C5orf22: variants seen among roughly 807,000 people sequenced by gnomAD.
The protein encoded by C5orf22 is UPF0489 protein C5orf22.
A neutral mutation model predicts 48.7 loss-of-function variants in C5orf22; 36 were observed. The observed-to-expected ratio is 0.74, with a 90% CI of 0.57 to 0.98. The LOEUF is 0.98. C5orf22 is among the 50% of genes least tolerant of loss of function. The probability of loss-of-function intolerance (pLI) is 0.00; values close to 1 mark genes in which losing one functional copy is unlikely to be tolerated. For missense variants in C5orf22, 486 were observed against 521.9 expected, an observed-to-expected ratio of 0.93 and a Z score of 0.67; for synonymous variants, 141 against 180.8, an observed-to-expected ratio of 0.78 and a Z score of 1.76.
chr5:31,534,981 A>G (rs527643219), intron 2 of C5orf22: 9 of 455,052 alleles, frequency 2.0e-5, no homozygotes, highest in South Asian at 1.1e-4. Context: ...TCTCACGTCT[A>G]TTTCTGCATT....
chr5:31,534,542 T>A, intron 2 of C5orf22, 125 bp downstream of exon 2: 1 of 852,856 alleles, frequency 1.2e-6, no homozygotes, highest in Non-Finnish European at 1.8e-6. Context: ...TGTCTTTTTG[T>A]CTTTTTCATT....
chr5:31,551,472 G>A (rs1743263195), intron 8 of C5orf22, 40 bp downstream of exon 8: 1 of 1,486,456 alleles, frequency 6.7e-7, no homozygotes, highest in African/African-American at 1.4e-5. Flanking sequence ...TCAGAGATGT[G>A]CACATCCTAA....
At chr5:31,534,636 C>T in intron 2 of C5orf22, 1 of 513,496 alleles carries the variant, frequency 1.9e-6, no homozygotes, top group Non-Finnish European at 3.4e-6. Flanking sequence ...GTCTCTGTTG[C>T]AACTATTAAT....
intron 7 of C5orf22, among the ~76,000 whole-genome samples, chr5:31,546,956 T>G: frequency 6.6e-6 from 1 of 152,228 alleles, no homozygotes; most frequent in East Asian, 1.9e-4. Context: ...AAGTCTTAAC[T>G]TATTTCAGCA....
intron 7 of C5orf22, among the ~76,000 whole-genome samples, chr5:31,547,700 G>C (rs1580457240): frequency 6.6e-6 from 1 of 152,192 alleles, no homozygotes; most frequent in South Asian, 2.1e-4. Flanking sequence ...AGCCATGGCT[G>C]GAATGGCTGA....
Position 31,551,448 on chromosome 5 carries a change from A to C in C5orf22, c.1199+16A>C, listed in dbSNP as rs766947450. Reference sequence around the variant, plus strand: ...CAATTGCAAGGTAAGTGTGTTCAGCAGAATAATGGCAAATCAGAGATGTGC... The same window carrying C: ...CAATTGCAAGGTAAGTGTGTTCAGCCGAATAATGGCAAATCAGAGATGTGC... On this transcript the variant is annotated intron_variant, in intron 8 of 8. Transcript: ENST00000325366. 8 of 1,595,728 alleles carry C rather than the reference A, an allele frequency of 5.0e-6. No homozygotes were observed. The highest frequency in any genetic ancestry group is 1.7e-5 in the Admixed American group (1 of 57,380).
Position 31,551,317 on chromosome 5 carries a change from G to A in C5orf22, c.1084G>A (p.Asp362Asn), listed in dbSNP as rs768733012. 23 of 1,613,204 alleles carry A rather than the reference G, an allele frequency of 1.4e-5. No homozygotes were observed. Among genetic ancestry groups the A allele is most frequent in the Non-Finnish European group, 1.9e-5 (22 of 1,179,652 alleles). ...EMVHQAGLTCDYSELPHHIST... is the reference protein window; with the variant it reads ...EMVHQAGLTCNYSELPHHIST... ...GGTTCACCAGGCTGGTTTAACCTGC[G>A]ATTATTCAGAACTTCCTCACCATAT... Residue 362 changes from aspartate to asparagine, a missense_variant, in exon 8 of 9, where the codon GAT becomes AAT. By Grantham distance (23) the Asp-to-Asn change is conservative (BLOSUM62 1). Coordinates refer to ENST00000325366, the MANE Select transcript of C5orf22 (RefSeq NM_018356.3).
At chr5:31,532,607 G>T in intron 1 of C5orf22, 134 bp downstream of exon 1, 1 of 714,602 alleles carries the variant, frequency 1.4e-6, no homozygotes, top group Non-Finnish European at 2.3e-6. Context: ...TTCCGTTGCT[G>T]TGGAGAGGAC....
rs1741941091 is a variant in C5orf22 at position 31,534,273 on chromosome 5, T to G, written c.83T>G (p.Val28Gly). ...PVWVVEDHQE[V>G]LPFIYRAIGS... Reference sequence around the variant, plus strand: ...ATTGTGTGCCTGTGTCTTTTACAGGTTCTACCCTTTATATACCGGGCCATA... The same window carrying G: ...ATTGTGTGCCTGTGTCTTTTACAGGGTCTACCCTTTATATACCGGGCCATA... The change falls in exon 2 of 9, where the codon GTT becomes GGT. Residue 28 changes from valine (V) to glycine (G), a missense_variant and splice_region_variant. Coordinates refer to ENST00000325366, the MANE Select transcript of C5orf22 (RefSeq NM_018356.3). 4 of 1,611,374 alleles carry G rather than the reference T, an allele frequency of 2.5e-6. No individual in the cohort carries two copies. Among genetic ancestry groups the G allele is most frequent in the Non-Finnish European group, 2.5e-6 (3 of 1,179,048 alleles).
chr5:31,544,179 T>TC (rs1298041667), intron 6 of C5orf22, among the ~76,000 whole-genome samples: 10 of 152,186 alleles, frequency 6.6e-5, no homozygotes, highest in Admixed American at 6.5e-5. Flanking sequence ...CTTTTTTCTT[T>TC]CTTTTTTTAC....
rs1742236079 is a variant in C5orf22, at chr5:31,538,345, G to A, written c.463G>A (p.Asp155Asn). 1.2e-6 allele frequency: 2 copies of A among 1,613,920 alleles called. No individual in the cohort carries two copies. Among genetic ancestry groups the A allele is most frequent in the Non-Finnish European group, 1.7e-6 (2 of 1,179,798 alleles). Reference sequence around the variant, plus strand: ...AGAGAACCAAAAACCTTTACAATTGGATGTAATTATGGTAAAACCTTATAA... The same window carrying A: ...AGAGAACCAAAAACCTTTACAATTGAATGTAATTATGGTAAAACCTTATAA... ...QLENQKPLQL[D>N]VIMVKPYKLC... is the part of the protein sequence containing the mutation. Residue 155 changes from aspartate (D) to asparagine (N), a missense_variant, in exon 4 of 9, where the codon GAT becomes AAT. This residue lies in a region of C5orf22 where 408 missense variants were observed against 444.0 expected (regional missense o/e 0.92). Transcript: ENST00000325366.
Position 31,532,316 on chromosome 5 carries a change from G to T in C5orf22, c.-77G>T. The T allele has an allele frequency of 6.8e-7, 1 of 1,464,518 alleles. No homozygotes were observed. Among genetic ancestry groups the T allele is most frequent in the South Asian group, 1.1e-5 (1 of 87,786 alleles). 90.7% of individuals were successfully genotyped at this position (1,464,518 alleles called of 1,614,324 possible). A position where few individuals can be genotyped will look rare whatever the true frequency, so the allele number is the denominator to read the frequency against. On this transcript the variant is annotated 5_prime_UTR_variant, in exon 1 of 9. Coordinates refer to ENST00000325366, the MANE Select transcript of C5orf22 (RefSeq NM_018356.3). The stretch of plus-strand genomic sequence containing the variant: ...GAGCGCTTCCGCCCGGAGAGAGCTG[G>T]CCGGGATGAGGCGCCGGCTTTCCCG...
chr5:31,552,416 A>G (rs1443073081), intron 8 of C5orf22, among the ~76,000 whole-genome samples: 1 of 152,194 alleles, frequency 6.6e-6, no homozygotes, highest in Non-Finnish European at 1.5e-5. Context: ...TTCCATCGCT[A>G]AGATAATAAG....
chr5:31,550,652 G>T (rs1020070451), intron 7 of C5orf22, among the ~76,000 whole-genome samples: 9 of 151,944 alleles, frequency 5.9e-5, no homozygotes, highest in Non-Finnish European at 1.2e-4. Context: ...TGTAACCTCT[G>T]CCTCCCGTGT....
intron 6 of C5orf22, among the ~76,000 whole-genome samples, chr5:31,543,576 A>G (rs1056105757): frequency 2.6e-5 from 4 of 152,130 alleles, no homozygotes; most frequent in African/African-American, 9.7e-5. Flanking sequence ...TCTCAAAAAA[A>G]GAAAGAAAAA....
intron 7 of C5orf22, 58 bp downstream of exon 7, chr5:31,545,770 A>T (rs1348387985): frequency 1.8e-6 from 2 of 1,135,074 alleles, no homozygotes; most frequent in South Asian, 2.8e-5. Context: ...TTTTCTGGGT[A>T]GAAGAATTTC....
rs1743055685 is a variant in C5orf22, at chr5:31,548,741, G to C, written c.1060-2552G>C. 3 of 315,294 alleles carry C rather than the reference G, an allele frequency of 9.5e-6. No individual in the cohort carries two copies. In the Admixed American group the frequency reaches 1.1e-4, roughly 12 times the overall value. 19.5% of individuals were successfully genotyped at this position (315,294 alleles called of 1,614,324 possible). A position where few individuals can be genotyped will look rare whatever the true frequency, so the allele number is the denominator to read the frequency against. On this transcript the variant is annotated intron_variant, in intron 7 of 8. Coordinates refer to ENST00000325366, the MANE Select transcript of C5orf22 (RefSeq NM_018356.3). ...TGGTACCAATTTACTGTATTAGTCT[G>C]TTTTCACGCTGCTGATAAAGACATA...
Position 31,534,296 on chromosome 5 carries a change from A to T in C5orf22, c.106A>T (p.Ile36Leu), listed in dbSNP as rs1436744376. The T allele has an allele frequency of 6.2e-7, 1 of 1,613,852 alleles. No individual in the cohort carries two copies. The highest frequency in any genetic ancestry group is 2.2e-5 in the East Asian group (1 of 44,890). ...GGTTCTACCCTTTATATACCGGGCC[A>T]TAGGCTCAAAGCATCTTCCTGCCAG... ...QEVLPFIYRA[I>L]GSKHLPASNV... is the part of the protein sequence containing the mutation. Residue 36 changes from isoleucine to leucine, a missense_variant, in exon 2 of 9, where the codon ATA (isoleucine) becomes TTA (leucine). Ile to Leu is a conservative substitution (Grantham distance 5). Transcript: ENST00000325366.
In C5orf22 at chr5:31,535,784, G is replaced by C; in HGVS notation, c.268G>C (p.Ala90Pro). ...AAATTGGATTATGCCTGCAGTTTATGCTGGCCATTTTTCACATGTAATATG... is the reference window on the plus strand; with the variant it reads ...AAATTGGATTATGCCTGCAGTTTATCCTGGCCATTTTTCACATGTAATATG... ...IENWIMPAVY[A>P]GHFSHVIWFH... The change falls in exon 3 of 9, where the codon GCT (alanine) becomes CCT (proline). Residue 90 changes from alanine to proline, a missense_variant. Ala to Pro is a conservative substitution (Grantham distance 27, BLOSUM62 -1). Transcript: ENST00000325366. 1 of 1,612,522 alleles carries C rather than the reference G, an allele frequency of 6.2e-7. No homozygotes were observed. Among genetic ancestry groups the C allele is most frequent in the Non-Finnish European group, 8.5e-7 (1 of 1,179,316 alleles).
Sources: allele counts gnomAD v4.1 joint callset (sites outside exome capture counted in the v4.1 genomes callset), GRCh38; gene constraint gnomAD v4.1.1; regional missense constraint gnomAD v4.1.1; transcripts MANE v1.5; gene names NCBI Gene and HGNC (gene_info 2026-07-23, HGNC 2026-07-21).